Variants in DNER observed in about 807,000 individuals in gnomAD.
DNER encodes the protein delta/notch like EGF repeat containing.
In DNER, 33 loss-of-function variants were observed where a neutral mutation model predicts 78.2. That is an observed-to-expected ratio of 0.42 (90% CI 0.32 to 0.56). The LOEUF is 0.56. DNER is among the 20% of genes least tolerant of loss of function. The pLI is 0.11. For synonymous variants in DNER, 417 were observed against 384.8 expected, an observed-to-expected ratio of 1.08 and a Z score of -0.98; for missense variants, 918 against 975.3, an observed-to-expected ratio of 0.94 and a Z score of 0.78.
intron 1 of DNER, among the ~76,000 whole-genome samples, chr2:229,687,687 C>T (rs1699508807): frequency 6.6e-6 from 1 of 152,148 alleles, no homozygotes; most frequent in Admixed American, 6.5e-5. Context: ...ATTTCCATAC[C>T]CCCAATTGAT....
intron 5 of DNER, among the ~76,000 whole-genome samples, chr2:229,516,783 T>C (rs1428700344): frequency 1.3e-5 from 1 of 78,356 alleles, no homozygotes; most frequent in Non-Finnish European, 2.9e-5. Flanking sequence ...GGACGCTGTC[T>C]CTAAAAAAAA....
At chr2:229,409,248 C>A (rs774440779) in intron 9 of DNER, among the ~76,000 whole-genome samples, 1 of 152,106 alleles carries the variant, frequency 6.6e-6, no homozygotes, top group Non-Finnish European at 1.5e-5. Context: ...ATGTTTATTG[C>A]AACACAAAGA....
chr2:229,517,997 G>A (rs780516698), intron 5 of DNER, among the ~76,000 whole-genome samples: 4 of 152,134 alleles, frequency 2.6e-5, no homozygotes, highest in Admixed American at 2.0e-4. Flanking sequence ...GTCGCTCTAC[G>A]TTAAATTACC....
intron 9 of DNER, among the ~76,000 whole-genome samples, chr2:229,412,135 T>C (rs918411814): frequency 6.6e-6 from 1 of 152,212 alleles, no homozygotes; most frequent in African/African-American, 2.4e-5. Context: ...CTTTTGACAA[T>C]ATGAGGTATG....
chr2:229,514,771 C>A (rs995784776), intron 5 of DNER, among the ~76,000 whole-genome samples: 1 of 152,176 alleles, frequency 6.6e-6, no homozygotes, highest in African/African-American at 2.4e-5. Flanking sequence ...TAGGAGGATG[C>A]CCCTCACAAC....
chr2:229,423,434 G>A (rs1446742955), intron 8 of DNER, among the ~76,000 whole-genome samples: 2 of 151,934 alleles, frequency 1.3e-5, no homozygotes, highest in Non-Finnish European at 2.9e-5. Flanking sequence ...GATCAACATG[G>A]TGAAACCCCA....
chr2:229,519,227 T>C (rs1341659207), intron 5 of DNER, among the ~76,000 whole-genome samples: 2 of 152,186 alleles, frequency 1.3e-5, no homozygotes, highest in African/African-American at 4.8e-5. Flanking sequence ...ACCCACCTTT[T>C]CAATCTTATT....
chr2:229,500,905 A>G (rs568137868), intron 6 of DNER, among the ~76,000 whole-genome samples: 5 of 152,086 alleles, frequency 3.3e-5, no homozygotes, highest in African/African-American at 1.2e-4. Context: ...ATGCCTTTGC[A>G]TTCTCATAGA....
At chr2:229,530,012 A>G (rs1696274047) in intron 5 of DNER, among the ~76,000 whole-genome samples, 1 of 151,916 alleles carries the variant, frequency 6.6e-6, no homozygotes, top group Non-Finnish European at 1.5e-5. Context: ...TTTAAAAAAA[A>G]AATGAAGAAG....
At chr2:229,554,030 C>T (rs1354620661) in intron 4 of DNER, among the ~76,000 whole-genome samples, 1 of 152,132 alleles carries the variant, frequency 6.6e-6, no homozygotes, top group African/African-American at 2.4e-5. Context: ...AATAATAACC[C>T]AAGTAGGCTG....
At chr2:229,359,768 C>G (rs1441686333) in intron 12 of DNER, among the ~76,000 whole-genome samples, 1 of 152,146 alleles carries the variant, frequency 6.6e-6, no homozygotes, top group Admixed American at 6.6e-5. Flanking sequence ...AATGAGAAAA[C>G]AGTGCGTTCT....
intron 9 of DNER, among the ~76,000 whole-genome samples, chr2:229,408,442 CT>C (rs1221006299): frequency 6.6e-6 from 1 of 152,154 alleles, no homozygotes; most frequent in Admixed American, 6.6e-5. Context: ...CTCCCTTCCC[CT>C]ATCCCCACCC....
chr2:229,523,297 G>C (rs554721771), intron 5 of DNER, among the ~76,000 whole-genome samples: 2 of 152,308 alleles, frequency 1.3e-5, no homozygotes, highest in East Asian at 3.9e-4. Flanking sequence ...TCGTTTGCTA[G>C]GGCTGCCGTA....
chr2:229,385,986 G>C (rs570226360), intron 11 of DNER, among the ~76,000 whole-genome samples: 39 of 151,818 alleles, frequency 2.6e-4, no homozygotes, highest in African/African-American at 7.2e-4. Context: ...AGTTCATATA[G>C]AACCAAAAAA....
chr2:229,632,768 A>G (rs1420668611), intron 1 of DNER, among the ~76,000 whole-genome samples: 1 of 152,216 alleles, frequency 6.6e-6, no homozygotes, highest in Admixed American at 6.5e-5. Context: ...TATTTGCCAC[A>G]AAGTGTTAAC....
At chr2:229,630,846 G>A (rs1034513464) in intron 1 of DNER, among the ~76,000 whole-genome samples, 1 of 151,944 alleles carries the variant, frequency 6.6e-6, no homozygotes, top group South Asian at 2.1e-4. Flanking sequence ...TATGTCCACT[G>A]TACCCAGTAT....
chr2:229,576,089 A>T (rs1252398980), intron 4 of DNER, among the ~76,000 whole-genome samples: 1 of 151,876 alleles, frequency 6.6e-6, no homozygotes, highest in African/African-American at 2.4e-5. Context: ...TACACTCCCT[A>T]CCCCCACCAT....
chr2:229,601,991 T>C (rs984836265), intron 1 of DNER, among the ~76,000 whole-genome samples: 3 of 150,902 alleles, frequency 2.0e-5, no homozygotes, highest in African/African-American at 7.4e-5. Context: ...CAGCCTCAAA[T>C]GAAATGCTTT....
At chr2:229,508,652 C>T (rs1383087039) in intron 6 of DNER, among the ~76,000 whole-genome samples, 4 of 152,024 alleles carry the variant, frequency 2.6e-5, no homozygotes, top group African/African-American at 4.8e-5. Flanking sequence ...GAGGCCGAGA[C>T]GGGCAGATCA....
Sources: allele counts gnomAD v4.1 joint callset (sites outside exome capture counted in the v4.1 genomes callset), GRCh38; gene constraint gnomAD v4.1.1; transcripts MANE v1.5; gene names NCBI Gene and HGNC (gene_info 2026-07-23, HGNC 2026-07-21).